Variants in SH3PXD2A observed in about 807,000 individuals in gnomAD.
The protein encoded by SH3PXD2A is SH3 and PX domain-containing protein 2A.
A neutral mutation model predicts 115.2 loss-of-function variants in SH3PXD2A; 32 were observed. That is an observed-to-expected ratio of 0.28 (90% CI 0.21 to 0.37). The LOEUF (loss-of-function observed/expected upper bound fraction) is 0.37. Among genes scored for constraint, SH3PXD2A ranks in the 10% least tolerant of loss-of-function variants. The pLI is 1.00. For missense variants in SH3PXD2A, 1,328 were observed against 1,498.7 expected (o/e 0.89, Z 1.88); for synonymous variants, 610 against 629.1 (o/e 0.97, Z 0.45).
intron 3 of SH3PXD2A, among the ~76,000 whole-genome samples, chr10:103,766,562 G>A (rs2038756655): frequency 6.6e-6 from 1 of 152,108 alleles, no homozygotes; most frequent in Non-Finnish European, 1.5e-5. Context: ...ACACACTTAA[G>A]ACATCATCAA....
Position 103,714,211 on chromosome 10 carries a change from A to G in SH3PXD2A, c.398+10059T>C, listed in dbSNP as rs1417675053. On this transcript the variant is annotated intron_variant, in intron 5 of 14. Coordinates refer to ENST00000369774, the MANE Select transcript of SH3PXD2A (RefSeq NM_001394015.1). ...TTCCAGGGCTTACCCCTTCCGCCAG[A>G]GGCTCCAAAGGGCTCTGTAGGCCTT... Among the ~76,000 whole-genome samples, 6 of 152,192 alleles carry G rather than the reference A, an allele frequency of 3.9e-5. No homozygotes were observed. In the East Asian group the frequency reaches 1.2e-3, roughly 29 times the overall value.
intron 5 of SH3PXD2A, among the ~76,000 whole-genome samples, chr10:103,695,689 C>G (rs2037816721): frequency 6.6e-6 from 1 of 152,312 alleles, no homozygotes; most frequent in Admixed American, 6.5e-5. Flanking sequence ...GCATCTCCAA[C>G]AAACTCCCCT....
At chr10:103,759,852 C>G (rs571067608) in intron 3 of SH3PXD2A, among the ~76,000 whole-genome samples, 16 of 152,330 alleles carry the variant, frequency 1.1e-4, no homozygotes, top group African/African-American at 3.8e-4. Context: ...ACGCTTGGCC[C>G]AATGTCCTAA....
chr10:103,659,740 C>G (rs1280271634), intron 8 of SH3PXD2A, among the ~76,000 whole-genome samples: 1 of 152,212 alleles, frequency 6.6e-6, no homozygotes, highest in Non-Finnish European at 1.5e-5. Context: ...GGAGCAGGCA[C>G]TTCGAAGACC....
chr10:103,822,974 T>C (rs1435635245), intron 1 of SH3PXD2A, among the ~76,000 whole-genome samples: 1 of 152,112 alleles, frequency 6.6e-6, no homozygotes, highest in Non-Finnish European at 1.5e-5. Context: ...TATGAGGAAA[T>C]AGATAGGTCT....
chr10:103,820,004 G>C (rs1333378792), intron 1 of SH3PXD2A, among the ~76,000 whole-genome samples: 2 of 152,120 alleles, frequency 1.3e-5, no homozygotes, highest in African/African-American at 4.8e-5. Flanking sequence ...AGGGGCACAG[G>C]GTGCTTCACC....
intron 8 of SH3PXD2A, among the ~76,000 whole-genome samples, chr10:103,655,538 C>T (rs937381915): frequency 3.3e-5 from 5 of 152,022 alleles, no homozygotes; most frequent in East Asian, 1.9e-4. Flanking sequence ...TTTGGGAGGC[C>T]GAGGTAGGTG....
At chr10:103,767,810 GTTTTTTTTTTT>G (rs34903223) in intron 2 of SH3PXD2A, among the ~76,000 whole-genome samples, 1 of 67,742 alleles carries the variant, frequency 1.5e-5, no homozygotes, top group Non-Finnish European at 2.9e-5. Context: ...CAACTGTTTT[GTTTTTTTTTTT>G]TTTTTTTTTT....
chr10:103,722,671 G>A (rs964985015), intron 5 of SH3PXD2A, among the ~76,000 whole-genome samples: 3 of 150,308 alleles, frequency 2.0e-5, no homozygotes. Flanking sequence ...TAGAAACTTC[G>A]GCCAGCACTG....
At chr10:103,841,396 G>T (rs1004215427) in intron 1 of SH3PXD2A, among the ~76,000 whole-genome samples, 1 of 152,116 alleles carries the variant, frequency 6.6e-6, no homozygotes. Context: ...TGTGTACCCT[G>T]CCTTTGGGGC....
chr10:103,781,400 G>A (rs951072977), intron 2 of SH3PXD2A, among the ~76,000 whole-genome samples: 1 of 152,200 alleles, frequency 6.6e-6, no homozygotes, highest in African/African-American at 2.4e-5. Context: ...CACGCAGGAT[G>A]GGGTCACCAG....
chr10:103,834,743 C>T (rs1208304728), intron 1 of SH3PXD2A, among the ~76,000 whole-genome samples: 2 of 152,192 alleles, frequency 1.3e-5, no homozygotes, highest in Non-Finnish European at 1.5e-5. Context: ...GCTACTTTAT[C>T]ATCCTCATTT....
chr10:103,629,390 G>A (rs1047653120), intron 8 of SH3PXD2A, among the ~76,000 whole-genome samples: 1 of 152,184 alleles, frequency 6.6e-6, no homozygotes, highest in African/African-American at 2.4e-5. Context: ...GTGGTTATTA[G>A]AGCACCAGAT....
At chr10:103,778,172 TA>T (rs984819001) in intron 2 of SH3PXD2A, among the ~76,000 whole-genome samples, 11 of 147,948 alleles carry the variant, frequency 7.4e-5, no homozygotes, top group African/African-American at 7.4e-5. Flanking sequence ...TACTAAAAAT[TA>T]AAAAAAAAAA....
At chr10:103,712,704 C>A (rs557019646) in intron 5 of SH3PXD2A, among the ~76,000 whole-genome samples, 4 of 152,364 alleles carry the variant, frequency 2.6e-5, no homozygotes, top group Middle Eastern at 3.4e-3. Flanking sequence ...TTCAACTCTA[C>A]CTTCAGCCCC....
At chr10:103,728,889 G>T (rs2863996) in intron 4 of SH3PXD2A, among the ~76,000 whole-genome samples, 36,125 of 141,648 alleles carry the variant, frequency 0.26, 5,225 homozygotes, top group African/African-American at 0.36. Flanking sequence ...TTTTTTGTTT[G>T]TTTGTTTGTT....
At chr10:103,796,859 C>CTTTT (rs11352709) in intron 2 of SH3PXD2A, among the ~76,000 whole-genome samples, 2,467 of 114,036 alleles carry the variant, frequency 0.022, 38 homozygotes, top group Middle Eastern at 0.037. Context: ...TTTGGAACAT[C>CTTTT]TTTTTTTTTT....
chr10:103,647,963 A>G (rs953176087), intron 8 of SH3PXD2A, among the ~76,000 whole-genome samples: 3 of 152,048 alleles, frequency 2.0e-5, no homozygotes, highest in African/African-American at 7.2e-5. Context: ...AGGGATGAGA[A>G]TCTCCTATTC....
chr10:103,854,756 T>G (rs1842924909), intron 1 of SH3PXD2A, among the ~76,000 whole-genome samples: 1 of 152,062 alleles, frequency 6.6e-6, no homozygotes, highest in Admixed American at 6.5e-5. Context: ...AGAGCTGGCG[T>G]GGGAGGCAGG....
Sources: gnomAD v4.1 joint callset for allele counts (sites outside exome capture counted in the v4.1 genomes callset) on GRCh38, gnomAD v4.1.1 for gene constraint, MANE v1.5 for transcripts, NCBI Gene and HGNC (gene_info 2026-07-23, HGNC 2026-07-21) for gene names.